ZNF232: variants seen among roughly 807,000 people sequenced by gnomAD.
The protein encoded by ZNF232 is zinc finger protein 232.
Under a neutral mutation model 25.2 loss-of-function variants are expected in ZNF232, and 25 were observed. The observed-to-expected ratio is 0.99, with a 90% CI of 0.72 to 1.39. The LOEUF (loss-of-function observed/expected upper bound fraction) is 1.39. ZNF232 is among the 40% of genes most tolerant of loss of function. The pLI, the probability that ZNF232 is intolerant of heterozygous loss-of-function variation, is 0.00. For synonymous variants in ZNF232, 193 were observed against 182.9 expected (o/e 1.06, Z -0.45); for missense variants, 519 against 520.9 (o/e 1.00, Z 0.04).
intron 1 of ZNF232, among the ~76,000 whole-genome samples, chr17:5,117,778 C>A (rs1178475404): frequency 6.6e-6 from 1 of 151,924 alleles, no homozygotes; most frequent in African/African-American, 2.4e-5. Context: ...TGATGGTGGC[C>A]TCACTCTAAG....
upstream of ZNF232, chr17:5,114,661 C>T (rs2072488281): frequency 6.6e-6 from 1 of 152,310 alleles, no homozygotes; most frequent in South Asian, 2.1e-4. Flanking sequence ...GAAAGCCCCT[C>T]TCTACTAAAA....
At chr17:5,110,352 G>A (rs1335236856) in intron 1 of ZNF232, among the ~76,000 whole-genome samples, 2 of 152,152 alleles carry the variant, frequency 1.3e-5, no homozygotes, top group African/African-American at 4.8e-5. Context: ...TGGTAGAAAC[G>A]GGGATGTAAA....
chr17:5,109,478 C>T lies in ZNF232; in HGVS notation c.414G>A (p.Trp138Ter). 1 of 1,614,164 alleles carries T rather than the reference C, an allele frequency of 6.2e-7. No individual in the cohort carries two copies. The highest frequency in any genetic ancestry group is 8.5e-7 in the Non-Finnish European group (1 of 1,180,018). Residue 138 changes from tryptophan to a stop codon, truncating the protein, a stop_gained, in exon 2 of 4, where the codon TGG becomes TGA. Coordinates refer to ENST00000575898, the Ensembl canonical transcript of ZNF232. LOFTEE classifies it high-confidence loss of function. The stretch of plus-strand genomic sequence containing the variant: ...CACTCTTAGGGTGATGTCCCCGCAC[C>T]CAGGATTGGAGCTCCTCAGGCAGGA...
upstream of ZNF232, among the ~76,000 whole-genome samples, chr17:5,116,263 C>T (rs1567762566): frequency 6.6e-6 from 1 of 151,930 alleles, no homozygotes; most frequent in Non-Finnish European, 1.5e-5. Flanking sequence ...CTCGACGCCA[C>T]TCCCGGCCCC....
At chr17:5,118,366 C>T (rs1343006698) in intron 1 of ZNF232, 1 of 152,378 alleles carries the variant, frequency 6.6e-6, no homozygotes, top group Non-Finnish European at 1.5e-5. Context: ...AGCCTGTGAC[C>T]AGACCAGGCA....
chr17:5,107,394 GAAAAAAAAAAA>G (rs749338515), intron 3 of ZNF232, among the ~76,000 whole-genome samples: 58 of 60,688 alleles, frequency 9.6e-4, no homozygotes, highest in Middle Eastern at 0.043. Context: ...TCTCAAAAAG[GAAAAAAAAAAA>G]AAAAAAAAAA....
At chr17:5,112,478 G>A (rs1470888427), upstream of ZNF232, 6 of 152,044 alleles carry the variant, frequency 3.9e-5, no homozygotes, top group African/African-American at 1.4e-4. Context: ...TTGAGACGGA[G>A]TCTTGCTCTG....
At chr17:5,112,697 C>T (rs547722213), upstream of ZNF232, among the ~76,000 whole-genome samples, 194 of 152,156 alleles carry the variant, frequency 1.3e-3, 4 homozygotes, top group Admixed American at 6.5e-4. Flanking sequence ...CGTGATCCGC[C>T]CGTCTCGGCC....
At chr17:5,121,234 G>A (rs2072654808) in intron 1 of ZNF232, 1 of 384,106 alleles carries the variant, frequency 2.6e-6, no homozygotes, top group East Asian at 7.2e-5. Context: ...GGTCCAACGT[G>A]GGTGCAGAGG....
At chr17:5,108,224 G>A (rs749895308) in intron 3 of ZNF232, among the ~76,000 whole-genome samples, 42 of 152,320 alleles carry the variant, frequency 2.8e-4, no homozygotes, top group African/African-American at 3.8e-4. Context: ...TTGGTTAGCC[G>A]CATATTCACA....
upstream of ZNF232, chr17:5,112,018 G>A (rs376887739): frequency 1.3e-6 from 1 of 774,938 alleles, no homozygotes; most frequent in Non-Finnish European, 2.0e-6. Flanking sequence ...CTTGAGCGGA[G>A]CGAGAAAGAG....
intron 3 of ZNF232, among the ~76,000 whole-genome samples, chr17:5,108,387 G>T (rs1485991867): frequency 6.6e-6 from 1 of 151,686 alleles, no homozygotes; most frequent in Non-Finnish European, 1.5e-5. Flanking sequence ...AGGGTAGAAG[G>T]TGAGGGCACA....
chr17:5,116,911 G>T (rs531247039), intron 1 of ZNF232, among the ~76,000 whole-genome samples: 1 of 152,362 alleles, frequency 6.6e-6, no homozygotes, highest in South Asian at 2.1e-4. Flanking sequence ...TACGGAGGGA[G>T]CAATCTTCAC....
intron 1 of ZNF232, 22 bp downstream of exon 1, chr17:5,111,778 G>A (rs1345660208): frequency 6.2e-7 from 1 of 1,613,724 alleles, no homozygotes; most frequent in Admixed American, 1.7e-5. Context: ...TGGACCTCGG[G>A]GAAGCCGCCG....
At chr17:5,109,679 G>C (rs1446587554) in exon 2 of ZNF232, 1 of 1,614,084 alleles carries the variant, frequency 6.2e-7, no homozygotes, top group Non-Finnish European at 8.5e-7. Flanking sequence ...GACTGGTAGA[G>C]TGGTTCCCAG....
upstream of ZNF232, chr17:5,113,356 T>G (rs1004216593): frequency 2.0e-5 from 3 of 152,258 alleles, no homozygotes; most frequent in African/African-American, 7.2e-5. Context: ...CACAAGGGAT[T>G]GTATTAATGT....
At chr17:5,122,196 A>G (rs2072694967) in intron 1 of ZNF232, among the ~76,000 whole-genome samples, 3 of 152,042 alleles carry the variant, frequency 2.0e-5, no homozygotes, top group African/African-American at 4.8e-5. Context: ...GTTATAGCTC[A>G]AAACAGCAGG....
chr17:5,108,275 C>T (rs1025762697), intron 3 of ZNF232, among the ~76,000 whole-genome samples: 5 of 152,216 alleles, frequency 3.3e-5, no homozygotes, highest in African/African-American at 7.2e-5. Context: ...GGAGAGTTCA[C>T]GCCCCTGAGG....
intron 1 of ZNF232, among the ~76,000 whole-genome samples, chr17:5,120,410 G>T (rs2072627487): frequency 6.6e-6 from 1 of 152,160 alleles, no homozygotes; most frequent in Admixed American, 6.5e-5. Context: ...CCGAGTCACA[G>T]TGTGTGTTGT....
Sources: allele counts gnomAD v4.1 joint callset (sites outside exome capture counted in the v4.1 genomes callset), GRCh38; gene constraint gnomAD v4.1.1; transcripts MANE v1.5; gene names NCBI Gene and HGNC (gene_info 2026-07-23, HGNC 2026-07-21).